Variants in DCHS2 observed in about 807,000 individuals in gnomAD.
DCHS2 encodes dachsous cadherin-related 2.
In DCHS2, 142 loss-of-function variants were observed where a neutral mutation model predicts 182.4. That is an observed-to-expected ratio of 0.78 (90% CI 0.68 to 0.89). DCHS2 has a LOEUF of 0.89. Ranked by LOEUF, DCHS2 falls within the 40% of genes least tolerant of loss-of-function variation. The probability of loss-of-function intolerance (pLI) is 0.00; values close to 1 mark genes in which losing one functional copy is unlikely to be tolerated. For synonymous variants in DCHS2, 1,740 were observed against 1,663.3 expected (o/e 1.05, Z -1.12); for missense variants, 4,319 against 4,198.6 (o/e 1.03, Z -0.79).
chr4:154,291,614 TA>T (rs1319727449), intron 13 of DCHS2, among the ~76,000 whole-genome samples: 10 of 152,032 alleles, frequency 6.6e-5, no homozygotes, highest in Admixed American at 5.9e-4. Context: ...CATCCGGCCA[TA>T]AAAAAAGAAT....
intron 1 of DCHS2, among the ~76,000 whole-genome samples, chr4:154,388,171 G>A (rs76410096): frequency 0.025 from 3,773 of 152,042 alleles, 138 homozygotes; most frequent in South Asian, 0.13. Context: ...ATATAATGTG[G>A]CATTATTTAT....
At position 154,234,669 on chromosome 4, in the gene DCHS2, A is replaced by AAAT. The variant is rs1395934651; in HGVS notation, c.9980_9982dup (p.Asn3327_Phe3328insTyr). The stretch of plus-strand genomic sequence containing the variant: ...CGTCAATAGGGAAAGAGATGGAGAA[A>AAAT]AATTGGGAGTCATGCCTTCTGGCAG... On this transcript the variant is annotated inframe_insertion, in exon 20 of 20. Coordinates refer to ENST00000357232, the MANE Select transcript of DCHS2 (RefSeq NM_001358235.2). 6.2e-7 allele frequency: 1 copy of AAAT among 1,613,954 alleles called. No individual in the cohort carries two copies. The highest frequency in any genetic ancestry group is 1.1e-5 in the South Asian group (1 of 91,076).
intron 1 of DCHS2, among the ~76,000 whole-genome samples, chr4:154,397,407 G>A (rs931754348): frequency 2.0e-5 from 3 of 152,154 alleles, no homozygotes; most frequent in African/African-American, 7.2e-5. Flanking sequence ...TATTTGAAAA[G>A]AGAGCCCATT....
At chr4:154,286,980 C>G (rs1367997329) in intron 13 of DCHS2, among the ~76,000 whole-genome samples, 6 of 152,090 alleles carry the variant, frequency 3.9e-5, no homozygotes, top group Admixed American at 3.9e-4. Context: ...AAACAACATG[C>G]AGTGGAGCTC....
chr4:154,468,409 A>G (rs551799094), intron 1 of DCHS2, among the ~76,000 whole-genome samples: 4 of 152,286 alleles, frequency 2.6e-5, no homozygotes, highest in Admixed American at 2.0e-4. Flanking sequence ...TCCCCAATGC[A>G]GAATTTTCTC....
In DCHS2 at chr4:154,240,728, C is replaced by A; in HGVS notation, c.7168G>T (p.Gly2390Ter). Residue 2390 changes from glycine (G) to a stop codon, truncating the protein, a stop_gained, in exon 18 of 20, where the codon GGA becomes TGA. Transcript: ENST00000357232. LOFTEE classifies it high-confidence loss of function. Reference protein sequence around the residue: ...IFSFAKESNPGTKFAIDQNTG... With the variant: ...IFSFAKESNP ...TTCTGATCAATAGCAAACTTGGTTC[C>A]AGGATTACTCTCTTTGGCAAAACTG... 6.2e-7 allele frequency: 1 copy of A among 1,613,938 alleles called. No homozygotes were observed. The highest frequency in any genetic ancestry group is 2.2e-5 in the East Asian group (1 of 44,834).
At chr4:154,255,881 C>T (rs1732642170) in intron 15 of DCHS2, among the ~76,000 whole-genome samples, 1 of 152,108 alleles carries the variant, frequency 6.6e-6, no homozygotes, top group Non-Finnish European at 1.5e-5. Context: ...AAAGAATTTT[C>T]AAATAGCTCT....
Position 154,368,031 on chromosome 4 carries a change from G to A in DCHS2, c.2245-1590C>T, listed in dbSNP as rs1190656828. 2.6e-5 allele frequency among the ~76,000 whole-genome samples: 4 copies of A among 152,126 alleles called. No individual in the cohort carries two copies. In the South Asian group the frequency reaches 6.2e-4, roughly 24 times the overall value. On this transcript the variant is annotated intron_variant, in intron 2 of 19. Coordinates refer to ENST00000357232, the MANE Select transcript of DCHS2 (RefSeq NM_001358235.2). ...TTTTCCATGTTCTGAGTTGAATAAA[G>A]TGCCAGAGCCATGCCGGGTATCAAT...
At position 154,321,121 on chromosome 4, in the gene DCHS2, CTT is replaced by C; in HGVS notation, c.4276_4277del (p.Lys1426ValfsTer3). 2.5e-6 allele frequency: 4 copies of C among 1,602,048 alleles called. No individual in the cohort carries two copies. The South Asian group carries it at 3.4e-5, about 13-fold the overall frequency. ...AATGTTGTTGAAGGTGATCAGATGA[CTT>C]TATCAAGCTCATTATTTTTGTGGGC... ...LKPTKIMSLI[K>X]SSDHLQQHYN... is the part of the protein sequence containing the mutation. On this transcript the variant is annotated frameshift_variant, in exon 9 of 20. Transcript: ENST00000357232. LOFTEE classifies it high-confidence loss of function.
intron 3 of DCHS2, among the ~76,000 whole-genome samples, chr4:154,341,890 A>G (rs1304011202): frequency 1.3e-5 from 2 of 152,156 alleles, no homozygotes; most frequent in Non-Finnish European, 2.9e-5. Flanking sequence ...TATTTCCAGA[A>G]GCCCAAAAGT....
At chr4:154,454,155 AC>A (rs557005442) in intron 1 of DCHS2, among the ~76,000 whole-genome samples, 1 of 139,604 alleles carries the variant, frequency 7.2e-6, no homozygotes, top group Non-Finnish European at 1.6e-5. Context: ...ACACACACAC[AC>A]CCCTTGCCAG....
At chr4:154,267,965 A>T (rs1733365399) in intron 14 of DCHS2, among the ~76,000 whole-genome samples, 1 of 152,152 alleles carries the variant, frequency 6.6e-6, no homozygotes, top group South Asian at 2.1e-4. Context: ...CTGTTGCAAC[A>T]TGTTACTGTC....
chr4:154,430,400 C>A (rs550786031), intron 1 of DCHS2, among the ~76,000 whole-genome samples: 2 of 152,266 alleles, frequency 1.3e-5, no homozygotes, highest in Admixed American at 1.3e-4. Context: ...AATCCAAAAG[C>A]ACTCCCCAGG....
intron 16 of DCHS2, among the ~76,000 whole-genome samples, chr4:154,253,813 AT>A (rs1407997651): frequency 1.3e-5 from 2 of 152,190 alleles, no homozygotes; most frequent in African/African-American, 4.8e-5. Context: ...CCAGTAAGAT[AT>A]TCCAGTTTAA....
At chr4:154,470,647 T>C (rs914579973) in intron 1 of DCHS2, among the ~76,000 whole-genome samples, 1 of 152,214 alleles carries the variant, frequency 6.6e-6, no homozygotes, top group Non-Finnish European at 1.5e-5. Context: ...GCTGTACATA[T>C]GTCACTCATC....
At chr4:154,388,564 G>A (rs201956256) in intron 1 of DCHS2, among the ~76,000 whole-genome samples, 32 of 145,262 alleles carry the variant, frequency 2.2e-4, no homozygotes, top group African/African-American at 2.3e-4. Context: ...GTGCGATCTC[G>A]GCTGACTGCA....
chr4:154,307,582 T>C (rs2111305987), intron 10 of DCHS2, among the ~76,000 whole-genome samples: 2 of 152,326 alleles, frequency 1.3e-5, no homozygotes, highest in East Asian at 3.9e-4. Context: ...CCATGAGCTA[T>C]TCCTCTAGCA....
chr4:154,239,437 A>T, intron 18 of DCHS2, 135 bp from the exon 19 acceptor site: 1 of 1,332,112 alleles, frequency 7.5e-7, no homozygotes, highest in South Asian at 1.4e-5. Context: ...TTTGTTAGAC[A>T]TATTAATTTA....
In DCHS2 at chr4:154,491,670, T is replaced by C; in HGVS notation, c.-315A>G. ...TTATTCCCTTTACATCTGTTCCTTG[T>C]TCTACTCGGCTGGTTGTTCCCCCCT... On this transcript the variant is annotated 5_prime_UTR_variant, in exon 1 of 20. Transcript: ENST00000357232. 8.4e-7 allele frequency: 1 copy of C among 1,188,324 alleles called. No individual in the cohort carries two copies. Among genetic ancestry groups the C allele is most frequent in the South Asian group, 3.6e-5 (1 of 27,540 alleles). 73.6% of individuals were successfully genotyped at this position (1,188,324 alleles called of 1,614,324 possible). A position where few individuals can be genotyped will look rare whatever the true frequency, so the allele number is the denominator to read the frequency against.
Sources: gnomAD v4.1 joint callset for allele counts (sites outside exome capture counted in the v4.1 genomes callset) on GRCh38, gnomAD v4.1.1 for gene constraint, MANE v1.5 for transcripts, NCBI Gene and HGNC (gene_info 2026-07-23, HGNC 2026-07-21) for gene names.